The following SNED1 variants were observed in gnomAD, a reference collection of about 807,000 sequenced individuals.
SNED1 encodes the protein sushi, nidogen and EGF-like domain-containing protein 1.
A neutral mutation model predicts 166.7 loss-of-function variants in SNED1; 81 were observed. The ratio of observed to expected loss-of-function variants is 0.49; its 90% CI spans 0.41 to 0.58. The LOEUF is 0.58. Ranked by LOEUF, SNED1 falls within the 20% of genes least tolerant of loss-of-function variation. SNED1 has a pLI of 0.00. For missense variants in SNED1, 1,604 were observed against 2,000.2 expected, an observed-to-expected ratio of 0.80 and a Z score of 3.78; for synonymous variants, 762 against 822.0, an observed-to-expected ratio of 0.93 and a Z score of 1.25.
In SNED1 at chr2:241,073,120, A is replaced by G; in HGVS notation, c.3818-146A>G. The G allele has an allele frequency of 1.6e-6, 1 of 615,842 alleles. No homozygotes were observed. The highest frequency in any genetic ancestry group is 2.8e-6 in the Non-Finnish European group (1 of 350,902). The allele number at this position is 615,842 out of a possible 1,614,324, so 38.1% of individuals were successfully genotyped here. On this transcript the variant is annotated intron_variant, in intron 26 of 31. Transcript: ENST00000310397. The surrounding 1 kb of genome is among the most constrained non-coding windows in gnomAD (Gnocchi z 6.6). ...TTCAGGGGAGGCAGCTCTGGGGCCG[A>G]CAGGTGCTGGGGCCACGCAGGGAGC...
chr2:241,061,850 C>T (rs1465670138), intron 16 of SNED1, among the ~76,000 whole-genome samples: 10 of 149,368 alleles, frequency 6.7e-5, no homozygotes, highest in African/African-American at 2.5e-4. Context: ...AAACTCCATC[C>T]CCCCAAAAAA....
At chr2:241,085,459 A>C (rs2063528216) in intron 29 of SNED1, among the ~76,000 whole-genome samples, 1 of 152,166 alleles carries the variant, frequency 6.6e-6, no homozygotes, top group Admixed American at 6.5e-5. Flanking sequence ...TCCAATTTCT[A>C]TCTTCATTAT....
At chr2:241,038,918 G>A (rs1360022521) in intron 6 of SNED1, among the ~76,000 whole-genome samples, 2 of 152,194 alleles carry the variant, frequency 1.3e-5, no homozygotes, top group Non-Finnish European at 2.9e-5. Flanking sequence ...CTATGCCCCA[G>A]GCTCCAGGAG....
At position 241,088,401 on chromosome 2, in the gene SNED1, A is replaced by C; in HGVS notation, c.4242A>C (p.Ter1414TyrextTer16). 6.2e-7 allele frequency: 1 copy of C among 1,611,544 alleles called. No individual in the cohort carries two copies. Among genetic ancestry groups the C allele is most frequent in the Non-Finnish European group, 8.5e-7 (1 of 1,177,694 alleles). Residue 1414 changes from the stop codon to tyrosine, a stop_lost and splice_region_variant, in exon 31 of 32, where the codon TAA (stop) becomes TAC (tyrosine). Transcript: ENST00000310397. ...AGAGTCAGACACTGGAGAAATCTTAAGGTACGTCCCTGCTGCTCCCGCCCC... is the reference window on the plus strand; with the variant it reads ...AGAGTCAGACACTGGAGAAATCTTACGGTACGTCCCTGCTGCTCCCGCCCC... ...QSKSQTLEKS[*>Y]
At chr2:241,037,132 C>G in intron 5 of SNED1, 108 bp from the exon 6 acceptor site, 1 of 1,089,484 alleles carries the variant, frequency 9.2e-7, no homozygotes, top group Non-Finnish European at 1.3e-6. Flanking sequence ...CCTCTCTGAG[C>G]CAATCTCGGG....
chr2:241,014,651 G>A (rs1190462720), intron 1 of SNED1, among the ~76,000 whole-genome samples: 1 of 152,142 alleles, frequency 6.6e-6, no homozygotes, highest in Non-Finnish European at 1.5e-5. Flanking sequence ...GGTAACACCA[G>A]GTCATAGGTG....
chr2:241,009,709 C>G (rs1282531308), intron 1 of SNED1, among the ~76,000 whole-genome samples: 1 of 152,112 alleles, frequency 6.6e-6, no homozygotes, highest in Non-Finnish European at 1.5e-5. Context: ...GCTCAGATGT[C>G]CCCTCCTCCA....
intron 1 of SNED1, chr2:241,016,147 C>T (rs1369602980): frequency 2.4e-5 from 3 of 122,638 alleles, no homozygotes; most frequent in Non-Finnish European, 4.6e-5. Flanking sequence ...TGATGTAAAG[C>T]ATAGCTGTGT....
intron 1 of SNED1, among the ~76,000 whole-genome samples, chr2:241,000,211 C>G (rs1191580685): frequency 6.6e-6 from 1 of 152,160 alleles, no homozygotes; most frequent in Non-Finnish European, 1.5e-5. Flanking sequence ...CACCTCCATC[C>G]ACAGGGCCTC....
intron 31 of SNED1, chr2:241,090,415 A>C (rs1316060210): frequency 1.9e-6 from 3 of 1,548,576 alleles, no homozygotes; most frequent in Non-Finnish European, 2.6e-6. Context: ...GCCATTTTAT[A>C]GTTAACTTTT....
chr2:241,090,360 A>G, intron 31 of SNED1: 1 of 1,550,352 alleles, frequency 6.5e-7, no homozygotes, highest in East Asian at 2.4e-5. Context: ...ACCTCCTGTG[A>G]CAATGATGCC....
chr2:241,071,436 G>A, intron 24 of SNED1, 140 bp from the exon 25 acceptor site: 1 of 981,366 alleles, frequency 1.0e-6, no homozygotes, highest in South Asian at 1.5e-5. Context: ...AAGCACCTTG[G>A]ATGACCACGG....
intron 1 of SNED1, among the ~76,000 whole-genome samples, chr2:241,020,982 G>T (rs1466570875): frequency 2.0e-5 from 3 of 152,228 alleles, no homozygotes; most frequent in African/African-American, 4.8e-5. Flanking sequence ...AGATGTGACA[G>T]CTGCACACAC....
intron 16 of SNED1, among the ~76,000 whole-genome samples, chr2:241,058,102 A>G (rs1227905584): frequency 6.6e-6 from 1 of 152,196 alleles, no homozygotes; most frequent in Non-Finnish European, 1.5e-5. Context: ...AAGTGAAAGG[A>G]AAAAAATAGG....
intron 29 of SNED1, among the ~76,000 whole-genome samples, chr2:241,083,222 T>A (rs377241182): frequency 6.6e-6 from 1 of 151,834 alleles, no homozygotes; most frequent in South Asian, 2.1e-4. Context: ...TGAACAGACA[T>A]GGAGGAGGGA....
At chr2:241,090,148 A>C (rs1264078017) in intron 31 of SNED1, 1 of 1,468,524 alleles carries the variant, frequency 6.8e-7, no homozygotes. Flanking sequence ...ATACAAACAC[A>C]CTGTACGGAT....
At position 241,022,945 on chromosome 2, in the gene SNED1, T is replaced by G. The variant is rs186646868; in HGVS notation, c.214-7339T>G. On this transcript the variant is annotated intron_variant, in intron 1 of 31. Coordinates refer to ENST00000310397, the MANE Select transcript of SNED1 (RefSeq NM_001080437.3). ...TTTCAGTCCTAAGCAATTTGTGCCT[T>G]CTCTTTCTTACTTGATCACTCTCAC... 3.9e-5 allele frequency among the ~76,000 whole-genome samples: 6 copies of G among 152,300 alleles called. No homozygotes were observed. The East Asian group carries it at 1.2e-3, about 29-fold the overall frequency.
intron 16 of SNED1, among the ~76,000 whole-genome samples, chr2:241,054,561 C>G (rs1165908363): frequency 6.6e-6 from 1 of 152,102 alleles, no homozygotes; most frequent in Non-Finnish European, 1.5e-5. Context: ...GAGCAAGACC[C>G]CACCTCATAC....
intron 8 of SNED1, among the ~76,000 whole-genome samples, chr2:241,045,337 G>A (rs2061618372): frequency 6.6e-6 from 1 of 152,074 alleles, no homozygotes; most frequent in Non-Finnish European, 1.5e-5. Context: ...AAAGAATTTA[G>A]AAAACCAAAA....
Sources: gnomAD v4.1 joint callset for allele counts (sites outside exome capture counted in the v4.1 genomes callset) on GRCh38, gnomAD v4.1.1 for gene constraint, Gnocchi (gnomAD v3.1) non-coding constraint, MANE v1.5 for transcripts, NCBI Gene and HGNC (gene_info 2026-07-23, HGNC 2026-07-21) for gene names.